DMRT1: variants seen among roughly 807,000 people sequenced by gnomAD.
The protein encoded by DMRT1 is doublesex and mab-3 related transcription factor 1.
DMRT1 carries 7 observed loss-of-function variants against 32.3 expected under a neutral mutation model. That is an observed-to-expected ratio of 0.22 (90% CI 0.12 to 0.41). The LOEUF is 0.41. Ranked by LOEUF, DMRT1 falls within the 10% of genes least tolerant of loss-of-function variation. DMRT1 has a pLI of 1.00. For missense variants in DMRT1, 625 were observed against 500.5 expected (o/e 1.25, Z -2.37); for synonymous variants, 278 against 206.1 (o/e 1.35, Z -2.99).
chr9:852,167 C>T (rs1002538930), intron 2 of DMRT1, among the ~76,000 whole-genome samples: 4 of 151,760 alleles, frequency 2.6e-5, no homozygotes, highest in Admixed American at 1.3e-4. Flanking sequence ...GAACTCTTGA[C>T]CTCAAGTGAT....
At chr9:854,794 C>G (rs1038894675) in intron 2 of DMRT1, among the ~76,000 whole-genome samples, 1 of 111,542 alleles carries the variant, frequency 9.0e-6, no homozygotes, top group Admixed American at 9.3e-5. Flanking sequence ...GAAACAGAGT[C>G]TCACTCTGTC....
chr9:950,323 T>A (rs542429640), intron 4 of DMRT1, among the ~76,000 whole-genome samples: 1 of 151,988 alleles, frequency 6.6e-6, no homozygotes, highest in African/African-American at 2.4e-5. Context: ...ACTGCAGAGG[T>A]CTCTCTGGGT....
At chr9:887,415 T>G (rs1004874509) in intron 2 of DMRT1, among the ~76,000 whole-genome samples, 7 of 152,194 alleles carry the variant, frequency 4.6e-5, no homozygotes, top group Non-Finnish European at 7.3e-5. Context: ...CAAATATATT[T>G]CTGCTACTCC....
At position 881,442 on chromosome 9, in the gene DMRT1, A is replaced by G. The variant is rs114508311; in HGVS notation, c.539-12470A>G. Among the ~76,000 whole-genome samples the G allele has an allele frequency of 5.2e-3, 797 of 152,322 alleles. 6 individuals are homozygous for G. Among genetic ancestry groups the G allele is most frequent in the African/African-American group, 0.018 (758 of 41,572 alleles). On this transcript the variant is annotated intron_variant, in intron 2 of 4. Transcript: ENST00000382276. ...CTGCAGGGACAAAGACAAAACATCT[A>G]TGATCTTACTAGTAAAAGAAAGTCA... is the stretch of plus-strand genomic sequence containing the variant.
At chr9:890,085 G>GGTTTTTTTTTTTTTTTT (rs1817081132) in intron 2 of DMRT1, among the ~76,000 whole-genome samples, 1 of 103,002 alleles carries the variant, frequency 9.7e-6, no homozygotes, top group African/African-American at 3.8e-5. Context: ...CACCAAACGT[G>GGTTTTTTTTTTTTTTTT]TTTTTTTTTT....
At chr9:949,771 T>C (rs1819369761) in intron 4 of DMRT1, among the ~76,000 whole-genome samples, 1 of 152,212 alleles carries the variant, frequency 6.6e-6, no homozygotes, top group Non-Finnish European at 1.5e-5. Flanking sequence ...TTCTGTGGGT[T>C]TGGCTATTTT....
chr9:931,675 G>T (rs775388964), intron 4 of DMRT1, among the ~76,000 whole-genome samples: 4 of 152,126 alleles, frequency 2.6e-5, no homozygotes, highest in Non-Finnish European at 5.9e-5. Flanking sequence ...TGTGGAGATA[G>T]ACACAGAGAG....
intron 4 of DMRT1, among the ~76,000 whole-genome samples, chr9:950,291 G>C (rs1304349109): frequency 6.6e-6 from 1 of 152,074 alleles, no homozygotes; most frequent in Non-Finnish European, 1.5e-5. Context: ...CAGATTTGTG[G>C]ATGTGAAGAA....
At chr9:861,750 G>A (rs966326179) in intron 2 of DMRT1, among the ~76,000 whole-genome samples, 6 of 150,786 alleles carry the variant, frequency 4.0e-5, no homozygotes, top group South Asian at 2.1e-4. Context: ...CCTCCTGGAC[G>A]GGGCGGCTGC....
intron 4 of DMRT1, among the ~76,000 whole-genome samples, chr9:920,920 A>G (rs1242550751): frequency 6.6e-6 from 1 of 152,212 alleles, no homozygotes; most frequent in Non-Finnish European, 1.5e-5. Flanking sequence ...AACAAACTTT[A>G]TAGCAATTTG....
intron 4 of DMRT1, among the ~76,000 whole-genome samples, chr9:963,022 A>G (rs1318324423): frequency 6.6e-6 from 1 of 152,208 alleles, no homozygotes; most frequent in East Asian, 1.9e-4. Context: ...ATTATGTTTT[A>G]CATAAAATTT....
chr9:941,546 G>A (rs897574840), intron 4 of DMRT1, among the ~76,000 whole-genome samples: 6 of 152,116 alleles, frequency 3.9e-5, no homozygotes, highest in Admixed American at 2.0e-4. Flanking sequence ...AGGACAGAAT[G>A]GAGAGTTATC....
At chr9:922,034 C>A (rs1363507719) in intron 4 of DMRT1, among the ~76,000 whole-genome samples, 4 of 129,914 alleles carry the variant, frequency 3.1e-5, no homozygotes, top group African/African-American at 1.0e-4. Flanking sequence ...GTGAGCACCA[C>A]AACGCCCAGC....
chr9:895,915 C>T (rs1279726377), intron 3 of DMRT1, among the ~76,000 whole-genome samples: 3 of 151,630 alleles, frequency 2.0e-5, no homozygotes, highest in African/African-American at 7.3e-5. Flanking sequence ...AGCCATTCTC[C>T]TGCCTCAGCC....
rs201141931 is a variant in DMRT1 at position 911,470 on chromosome 9, A to AT, written c.823-5252dup. 2.8e-4 allele frequency among the ~76,000 whole-genome samples: 19 copies of AT among 67,000 alleles called. 3 individuals are homozygous for AT. Among genetic ancestry groups the AT allele is most frequent in the Non-Finnish European group, 5.1e-4 (13 of 25,460 alleles). The allele number at this position is 67,000 out of a possible 152,430, so 44.0% of individuals were successfully genotyped here. A position where few individuals can be genotyped will look rare whatever the true frequency, so the allele number is the denominator to read the frequency against. On this transcript the variant is annotated intron_variant, in intron 3 of 4. Transcript: ENST00000382276. Reference sequence around the variant, plus strand: ...CCATGCCTTTTTCTGGGTTAATTGCATTTTTTTTTTTTTTTTTTTTTTTTT... The same window carrying AT: ...CCATGCCTTTTTCTGGGTTAATTGCATTTTTTTTTTTTTTTTTTTTTTTTTT...
At chr9:967,948 C>CGA (rs1819984430) in intron 4 of DMRT1, 37 bp from the exon 5 acceptor site, 2 of 1,601,816 alleles carry the variant, frequency 1.2e-6, no homozygotes, top group Non-Finnish European at 1.7e-6. Context: ...TACTCCCTTT[C>CGA]TCCCTTTCTC....
chr9:847,076 C>T lies in DMRT1; in HGVS notation c.471C>T (p.Cys157=). ...VKRENNGSNP[C]LMTECSGTSQ... ...GAGAGAACAATGGCAGTAACCCGTG[C>T]CTCATGACTGAGTGCAGTGGCACCT... Residue 157 remains cysteine, a synonymous_variant, in exon 2 of 5, where the codon TGC becomes TGT. Coordinates refer to ENST00000382276, the MANE Select transcript of DMRT1 (RefSeq NM_021951.3). 6.2e-7 allele frequency: 1 copy of T among 1,613,992 alleles called. No individual in the cohort carries two copies. The highest frequency in any genetic ancestry group is 8.5e-7 in the Non-Finnish European group (1 of 1,180,054).
rs530918057 is a variant in DMRT1, at chr9:928,317, A to G, written c.967+11410A>G. ...AAAATTCTCTGTTAAGTATAGCAGG[A>G]TTGTTAGGAGAGTCATTTTGTGGTC... is the stretch of plus-strand genomic sequence containing the variant. On this transcript the variant is annotated intron_variant, in intron 4 of 4. Transcript: ENST00000382276. Among the ~76,000 whole-genome samples, 5 of 152,300 alleles carry G rather than the reference A, an allele frequency of 3.3e-5. No homozygotes were observed. The South Asian group carries it at 1.0e-3, about 32-fold the overall frequency.
chr9:854,267 A>G (rs1815293214), intron 2 of DMRT1, among the ~76,000 whole-genome samples: 7 of 151,744 alleles, frequency 4.6e-5, no homozygotes, highest in Admixed American at 3.3e-4. Context: ...CAGGTGCGCT[A>G]CATGCCCAGC....
Sources: gnomAD v4.1 joint callset for allele counts (sites outside exome capture counted in the v4.1 genomes callset) on GRCh38, gnomAD v4.1.1 for gene constraint, MANE v1.5 for transcripts, NCBI Gene and HGNC (gene_info 2026-07-23, HGNC 2026-07-21) for gene names.